Variants in NPLOC4 observed in about 807,000 individuals in gnomAD.
NPLOC4 encodes the protein nuclear protein localization protein 4 homolog.
Under a neutral mutation model 80.6 loss-of-function variants are expected in NPLOC4, and 18 were observed. That is an observed-to-expected ratio of 0.22 (90% CI 0.15 to 0.33). NPLOC4 has a LOEUF of 0.33. Among genes scored for constraint, NPLOC4 ranks in the 10% least tolerant of loss-of-function variants. The pLI, the probability that NPLOC4 is intolerant of heterozygous loss-of-function variation, is 1.00. For synonymous variants in NPLOC4, 313 were observed against 301.5 expected, an observed-to-expected ratio of 1.04 and a Z score of -0.39; for missense variants, 540 against 786.1, an observed-to-expected ratio of 0.69 and a Z score of 3.74.
intron 11 of NPLOC4, among the ~76,000 whole-genome samples, chr17:81,592,900 T>C (rs1484328970): frequency 6.6e-6 from 1 of 152,162 alleles, no homozygotes; most frequent in Non-Finnish European, 1.5e-5. Flanking sequence ...ACAAGAATCA[T>C]TTGAACCCGG....
intron 11 of NPLOC4, among the ~76,000 whole-genome samples, chr17:81,593,234 G>C (rs570082158): frequency 2.0e-5 from 3 of 152,002 alleles, no homozygotes; most frequent in Non-Finnish European, 4.4e-5. Flanking sequence ...AATAGTGTAA[G>C]CTGAGGCAAG....
chr17:81,629,666 T>A (rs979042152), intron 2 of NPLOC4, 59 bp downstream of exon 2: 3 of 1,220,222 alleles, frequency 2.5e-6, no homozygotes, highest in Middle Eastern at 1.9e-4. Flanking sequence ...AAGGTATCGA[T>A]GGCAGTAAGA....
intron 1 of NPLOC4, among the ~76,000 whole-genome samples, chr17:81,633,127 CAAAAA>C (rs57190405): frequency 3.8e-5 from 4 of 105,864 alleles, no homozygotes; most frequent in Admixed American, 1.1e-4. Flanking sequence ...GACTCCGTCT[CAAAAA>C]AAAAAAAAAA....
chr17:81,612,972 C>A (rs957951601), intron 4 of NPLOC4: 2 of 183,028 alleles, frequency 1.1e-5, no homozygotes, highest in Non-Finnish European at 2.3e-5. Context: ...GATTAACACC[C>A]CACTCTGCAC....
At chr17:81,633,291 A>G (rs2035979306) in intron 1 of NPLOC4, among the ~76,000 whole-genome samples, 1 of 152,190 alleles carries the variant, frequency 6.6e-6, no homozygotes, top group Non-Finnish European at 1.5e-5. Flanking sequence ...ACACTTAGCT[A>G]TCTTAAAAAG....
chr17:81,610,260 TGAG>T lies in NPLOC4; in HGVS notation c.387-5_387-3del, dbSNP rs1391748999. ...TTCCCCAAAGGGCCGTGGCGGCATC[TGAG>T]GAGAGTACAAGGCAGAAAAAGGCAG... On this transcript the variant is annotated splice_polypyrimidine_tract_variant and splice_region_variant and intron_variant, in intron 4 of 16. Transcript: ENST00000331134. 1 of 1,570,470 alleles carries T rather than the reference TGAG, an allele frequency of 6.4e-7. No individual in the cohort carries two copies. Among genetic ancestry groups the T allele is most frequent in the Non-Finnish European group, 8.6e-7 (1 of 1,158,180 alleles).
intron 16 of NPLOC4, 95 bp downstream of exon 16, chr17:81,565,410 A>C: frequency 9.2e-7 from 1 of 1,086,034 alleles, no homozygotes. Context: ...CTGGGTGCGG[A>C]ATCCAGGGCA....
In NPLOC4 at chr17:81,608,763, G is replaced by A. The variant is rs200088672; in HGVS notation, c.495C>T (p.His165=). The A allele has an allele frequency of 1.8e-4, 284 of 1,593,848 alleles. No homozygotes were observed. The highest frequency in any genetic ancestry group is 2.3e-4 in the Non-Finnish European group (271 of 1,169,870). ...CTCCAGTCAGCTTCCGGATGTAGGC[G>A]TGGAAGGACATGTGCTTCACGGGAG... ...LEPPVKHMSF[H]AYIRKLTGGA... The change falls in exon 6 of 17, where the codon CAC becomes CAT. Residue 165 remains histidine (H), a synonymous_variant. Coordinates refer to ENST00000331134, the MANE Select transcript of NPLOC4 (RefSeq NM_017921.4).
At chr17:81,565,349 G>C in intron 16 of NPLOC4, 156 bp downstream of exon 16, 1 of 731,142 alleles carries the variant, frequency 1.4e-6, no homozygotes, top group Non-Finnish European at 2.4e-6. Context: ...GCCTGGCAGG[G>C]AGGCCGAGTC....
intron 1 of NPLOC4, 49 bp downstream of exon 1, chr17:81,636,867 C>T: frequency 7.2e-7 from 1 of 1,397,010 alleles, no homozygotes; most frequent in Non-Finnish European, 9.3e-7. Flanking sequence ...GCCGGCAAAT[C>T]TGCTGCCTCA....
At chr17:81,633,454 C>T (rs1263734181) in intron 1 of NPLOC4, among the ~76,000 whole-genome samples, 1 of 152,182 alleles carries the variant, frequency 6.6e-6, no homozygotes, top group Non-Finnish European at 1.5e-5. Flanking sequence ...TCCTCTACCA[C>T]AGAAGATGGG....
chr17:81,596,983 G>A (rs1954663387), intron 10 of NPLOC4, among the ~76,000 whole-genome samples: 1 of 152,164 alleles, frequency 6.6e-6, no homozygotes, highest in Non-Finnish European at 1.5e-5. Context: ...CATGGTGGCA[G>A]GCGCCTGTAG....
chr17:81,607,692 G>A (rs1438869192), intron 6 of NPLOC4, among the ~76,000 whole-genome samples: 1 of 152,114 alleles, frequency 6.6e-6, no homozygotes, highest in African/African-American at 2.4e-5. Context: ...GACTGAGAAA[G>A]GCTGACCAAG....
intron 11 of NPLOC4, among the ~76,000 whole-genome samples, chr17:81,593,206 T>A (rs1185494565): frequency 6.6e-6 from 1 of 152,180 alleles, no homozygotes; most frequent in East Asian, 1.9e-4. Context: ...TAATGCACAC[T>A]GAATTCTCTG....
At chr17:81,585,667 G>GGT (rs2034561554) in intron 12 of NPLOC4, among the ~76,000 whole-genome samples, 1 of 146,150 alleles carries the variant, frequency 6.8e-6, no homozygotes, top group Non-Finnish European at 1.5e-5. Context: ...TTTCTGGGGG[G>GGT]GGGGGGAAAG....
At chr17:81,568,257 G>A (rs574973528) in intron 14 of NPLOC4, among the ~76,000 whole-genome samples, 3 of 152,274 alleles carry the variant, frequency 2.0e-5, no homozygotes, top group Non-Finnish European at 2.9e-5. Flanking sequence ...GCAGCAAGAG[G>A]GAGGAATGTG....
intron 8 of NPLOC4, 49 bp downstream of exon 8, chr17:81,604,499 A>G: frequency 6.4e-7 from 1 of 1,571,848 alleles, no homozygotes; most frequent in Non-Finnish European, 8.7e-7. Flanking sequence ...GGCGTCCCCC[A>G]CAGCCTCCAA....
intron 16 of NPLOC4, among the ~76,000 whole-genome samples, chr17:81,559,688 C>T (rs896573471): frequency 6.7e-6 from 1 of 150,272 alleles, no homozygotes; most frequent in Non-Finnish European, 1.5e-5. Flanking sequence ...TTGTGAATAA[C>T]GTAACTCCCC....
At chr17:81,583,511 A>T (rs1168279016) in intron 12 of NPLOC4, among the ~76,000 whole-genome samples, 2 of 152,222 alleles carry the variant, frequency 1.3e-5, no homozygotes, top group Non-Finnish European at 2.9e-5. Flanking sequence ...TGAAAGAGAA[A>T]AGCCCCACGT....
Sources: allele counts gnomAD v4.1 joint callset (sites outside exome capture counted in the v4.1 genomes callset), GRCh38; gene constraint gnomAD v4.1.1; transcripts MANE v1.5; gene names NCBI Gene and HGNC (gene_info 2026-07-23, HGNC 2026-07-21).